GTF2E2: variants seen among roughly 807,000 people sequenced by gnomAD.
GTF2E2 encodes the protein transcription initiation factor IIE subunit beta.
Under a neutral mutation model 40.5 loss-of-function variants are expected in GTF2E2, and 21 were observed. That is an observed-to-expected ratio of 0.52 (90% CI 0.37 to 0.75). The LOEUF (loss-of-function observed/expected upper bound fraction) is 0.75. GTF2E2 is among the 30% of genes least tolerant of loss of function. The pLI is 0.00. For synonymous variants in GTF2E2, 117 were observed against 121.6 expected (o/e 0.96, Z 0.25); for missense variants, 298 against 338.4 (o/e 0.88, Z 0.94).
intron 2 of GTF2E2, among the ~76,000 whole-genome samples, chr8:30,641,639 A>G (rs1356565914): frequency 1.3e-5 from 2 of 152,124 alleles, no homozygotes; most frequent in Non-Finnish European, 2.9e-5. Context: ...ACTTTTGGGA[A>G]GCCAAGGTGG....
rs1292233950 is a variant in GTF2E2, at chr8:30,579,700, CA to C, written c.759+580del. Among the ~76,000 whole-genome samples the C allele has an allele frequency of 2.6e-5, 4 of 152,174 alleles. 1 individual carries two copies. The highest frequency in any genetic ancestry group is 1.9e-4 in the East Asian group (1 of 5,186). On this transcript the variant is annotated intron_variant, in intron 7 of 7. Transcript: ENST00000355904. ...GGGGGGAGGAGCACAGCACTGCTAA[CA>C]AGGGTGCTGGTGAATCATCCCCCCG... is the stretch of plus-strand genomic sequence containing the variant.
chr8:30,608,742 T>C (rs1411202242), intron 5 of GTF2E2, among the ~76,000 whole-genome samples: 1 of 152,094 alleles, frequency 6.6e-6, no homozygotes, highest in East Asian at 1.9e-4. Flanking sequence ...AGGAGGATCA[T>C]TTGGGGTCAG....
intron 6 of GTF2E2, among the ~76,000 whole-genome samples, chr8:30,590,155 G>A (rs750735426): frequency 6.6e-6 from 1 of 152,088 alleles, no homozygotes; most frequent in Non-Finnish European, 1.5e-5. Context: ...CTGTTTCCCA[G>A]GAATATCATA....
intron 3 of GTF2E2, among the ~76,000 whole-genome samples, chr8:30,615,814 G>A (rs1585967812): frequency 1.3e-5 from 2 of 152,164 alleles, no homozygotes; most frequent in East Asian, 1.9e-4. Context: ...TAGCAATCAC[G>A]ATCCTTGGTA....
chr8:30,640,828 C>T (rs1242617945), intron 2 of GTF2E2, among the ~76,000 whole-genome samples: 2 of 152,130 alleles, frequency 1.3e-5, no homozygotes, highest in Non-Finnish European at 2.9e-5. Flanking sequence ...CCTTGGCTTC[C>T]TGAGAAACTG....
intron 2 of GTF2E2, among the ~76,000 whole-genome samples, chr8:30,652,860 C>G (rs1039252916): frequency 6.6e-6 from 1 of 152,088 alleles, no homozygotes; most frequent in African/African-American, 2.4e-5. Flanking sequence ...TATATCCATA[C>G]TATGGAATAC....
chr8:30,587,869 C>CT (rs1828726298), intron 6 of GTF2E2, among the ~76,000 whole-genome samples: 1 of 54,620 alleles, frequency 1.8e-5, no homozygotes, highest in South Asian at 7.3e-4. Flanking sequence ...AAGACTCCGT[C>CT]TTAAAAAAAA....
chr8:30,588,967 G>C (rs1365191498), intron 6 of GTF2E2, among the ~76,000 whole-genome samples: 1 of 152,050 alleles, frequency 6.6e-6, no homozygotes, highest in African/African-American at 2.4e-5. Context: ...AAAAAGTACT[G>C]GCCTGGCCGG....
chr8:30,599,698 G>C (rs540304870), intron 6 of GTF2E2, among the ~76,000 whole-genome samples: 15 of 151,156 alleles, frequency 9.9e-5, no homozygotes, highest in African/African-American at 3.2e-4. Context: ...AAAAAATAAC[G>C]ATCAGGCAGG....
rs538448896 is a variant in GTF2E2, at chr8:30,644,797, C to A, written c.166+8636G>T. On this transcript the variant is annotated intron_variant, in intron 2 of 7. Coordinates refer to ENST00000355904, the MANE Select transcript of GTF2E2 (RefSeq NM_002095.6). ...AACGGTTTCATTCCCATTGTCCAGG[C>A]TAGAATGCAGTGGCACGATCTTAGC... Among the ~76,000 whole-genome samples, 4 of 149,448 alleles carry A rather than the reference C, an allele frequency of 2.7e-5. No individual in the cohort carries two copies. The South Asian group carries it at 6.3e-4, about 24-fold the overall frequency.
intron 3 of GTF2E2, among the ~76,000 whole-genome samples, chr8:30,625,228 T>C (rs865924196): frequency 2.0e-5 from 3 of 152,242 alleles, no homozygotes; most frequent in Non-Finnish European, 2.9e-5. Context: ...TGAAGCGCTG[T>C]TGAATTTTGT....
At chr8:30,622,594 T>C (rs1391787484) in intron 3 of GTF2E2, among the ~76,000 whole-genome samples, 2 of 152,014 alleles carry the variant, frequency 1.3e-5, no homozygotes, top group African/African-American at 2.4e-5. Flanking sequence ...CCAAAATTTA[T>C]TGGGCGGGAA....
chr8:30,612,526 AAT>A (rs752272061), intron 4 of GTF2E2, 45 bp from the exon 5 acceptor site: 1,192 of 1,098,888 alleles, frequency 1.1e-3, no homozygotes, highest in Non-Finnish European at 1.2e-3. Context: ...ATGGAACATA[AAT>A]ATATATATAT....
chr8:30,580,201 G>A (rs1828475800), intron 7 of GTF2E2, 80 bp downstream of exon 7: 1 of 785,274 alleles, frequency 1.3e-6, no homozygotes, highest in Non-Finnish European at 2.2e-6. Context: ...ACAACTCCCA[G>A]CTCTTCAGAG....
chr8:30,645,382 T>C (rs1343284300), intron 2 of GTF2E2: 10 of 1,535,588 alleles, frequency 6.5e-6, no homozygotes, highest in South Asian at 4.8e-5. Context: ...TCAAAAAATT[T>C]ACCCTTTCCA....
chr8:30,640,550 G>A (rs774987018), intron 2 of GTF2E2, among the ~76,000 whole-genome samples: 1 of 152,086 alleles, frequency 6.6e-6, no homozygotes, highest in South Asian at 2.1e-4. Context: ...TTAAGGCATG[G>A]GTAGGGAAGT....
chr8:30,616,834 A>G (rs772399450), intron 3 of GTF2E2, among the ~76,000 whole-genome samples: 1 of 152,162 alleles, frequency 6.6e-6, no homozygotes, highest in Non-Finnish European at 1.5e-5. Context: ...TTTAAAGTAA[A>G]TAAGAAAAAA....
At chr8:30,596,751 T>C (rs979192621) in intron 6 of GTF2E2, among the ~76,000 whole-genome samples, 1 of 152,210 alleles carries the variant, frequency 6.6e-6, no homozygotes, top group Admixed American at 6.5e-5. Context: ...AGGTAAATAG[T>C]TTTTATGCCT....
At chr8:30,652,817 T>G (rs1802325395) in intron 2 of GTF2E2, among the ~76,000 whole-genome samples, 1 of 152,182 alleles carries the variant, frequency 6.6e-6, no homozygotes. Context: ...AAATAACCGT[T>G]TATTGGTGAA....
Sources: gnomAD v4.1 joint callset for allele counts (sites outside exome capture counted in the v4.1 genomes callset) on GRCh38, gnomAD v4.1.1 for gene constraint, MANE v1.5 for transcripts, NCBI Gene and HGNC (gene_info 2026-07-23, HGNC 2026-07-21) for gene names.